ACOXL: variants seen among roughly 807,000 people sequenced by gnomAD.
The protein encoded by ACOXL is acyl-CoA oxidase like, also known as acyl-coenzyme A oxidase-like protein.
A neutral mutation model predicts 71.9 loss-of-function variants in ACOXL; 70 were observed. The ratio of observed to expected loss-of-function variants is 0.97; its 90% CI spans 0.80 to 1.19. ACOXL has a LOEUF of 1.19. ACOXL is among the 50% of genes most tolerant of loss of function. The probability of loss-of-function intolerance (pLI) is 0.00; values close to 1 mark genes in which losing one functional copy is unlikely to be tolerated. For synonymous variants in ACOXL, 253 were observed against 281.6 expected (o/e 0.90, Z 1.02); for missense variants, 703 against 736.3 (o/e 0.95, Z 0.52).
chr2:110,750,282 T>G (rs1678754416), intron 1 of ACOXL, among the ~76,000 whole-genome samples: 1 of 152,222 alleles, frequency 6.6e-6, no homozygotes, highest in South Asian at 2.1e-4. Context: ...TATTAAATCA[T>G]TTACTTATAT....
intron 11 of ACOXL, among the ~76,000 whole-genome samples, chr2:110,913,074 C>G (rs2059704155): frequency 6.6e-6 from 1 of 152,124 alleles, no homozygotes; most frequent in Admixed American, 6.5e-5. Context: ...TTCACACCCA[C>G]TAGGATGGCT....
intron 16 of ACOXL, among the ~76,000 whole-genome samples, chr2:111,078,115 T>C (rs2067695281): frequency 6.6e-6 from 1 of 152,022 alleles, no homozygotes; most frequent in South Asian, 2.1e-4. Flanking sequence ...CTCTCTGTTG[T>C]TCAGATAGGA....
At chr2:110,935,057 G>T (rs1314435401) in intron 12 of ACOXL, among the ~76,000 whole-genome samples, 1 of 152,054 alleles carries the variant, frequency 6.6e-6, no homozygotes, top group East Asian at 1.9e-4. Context: ...GAGCAGCTGG[G>T]AACACAGCCC....
chr2:110,786,422 C>G (rs961237457), intron 3 of ACOXL, among the ~76,000 whole-genome samples: 1 of 152,244 alleles, frequency 6.6e-6, no homozygotes, highest in Non-Finnish European at 1.5e-5. Flanking sequence ...CAGGCACGAT[C>G]TCTTCCCTCT....
chr2:111,049,659 C>T (rs761172531), intron 16 of ACOXL, among the ~76,000 whole-genome samples: 3 of 152,188 alleles, frequency 2.0e-5, no homozygotes, highest in East Asian at 1.9e-4. Context: ...GGATTCCATA[C>T]GTTCCCAGTC....
chr2:110,898,036 C>A (rs2059083915), intron 10 of ACOXL, among the ~76,000 whole-genome samples: 1 of 152,112 alleles, frequency 6.6e-6, no homozygotes, highest in South Asian at 2.1e-4. Context: ...AATATCACAA[C>A]TCCCCCAATG....
chr2:110,998,107 A>T (rs1300659429), intron 14 of ACOXL, among the ~76,000 whole-genome samples: 2 of 152,278 alleles, frequency 1.3e-5, no homozygotes, highest in African/African-American at 2.4e-5. Context: ...ATGATTTTTT[A>T]AAAAACTTGA....
chr2:110,770,774 T>A (rs924703165), intron 2 of ACOXL, among the ~76,000 whole-genome samples: 5 of 152,238 alleles, frequency 3.3e-5, no homozygotes, highest in African/African-American at 9.6e-5. Context: ...AGGTGAAATC[T>A]TGGCCTGTGG....
At position 110,886,234 on chromosome 2, in the gene ACOXL, AC is replaced by A. The variant is rs1697269008; in HGVS notation, c.789-22553del. Among the ~76,000 whole-genome samples the A allele has an allele frequency of 2.0e-5, 3 of 152,240 alleles. No homozygotes were observed. The South Asian group carries it at 6.2e-4, about 32-fold the overall frequency. Reference sequence around the variant, plus strand: ...CTCTTCTTTTCATGTCAATTTTTAAACCATACACATATATTATTTTAATGTT... The same window carrying A: ...CTCTTCTTTTCATGTCAATTTTTAAACATACACATATATTATTTTAATGTT... On this transcript the variant is annotated intron_variant, in intron 10 of 17. Transcript: ENST00000439055.
chr2:110,948,011 T>C lies in ACOXL; in HGVS notation c.1059+14369T>C, dbSNP rs146683926. On this transcript the variant is annotated intron_variant, in intron 12 of 17. Transcript: ENST00000439055. ...AGGGCCAGTCTCCACAGCAGGACTT[T>C]GTCTTCCCACATCAGTGGAGACCCT... Among the ~76,000 whole-genome samples, 1,425 of 152,354 alleles carry C rather than the reference T, an allele frequency of 9.4e-3. 12 individuals are homozygous for C. The highest frequency in any genetic ancestry group is 0.041 in the Middle Eastern group (12 of 294).
At chr2:110,793,547 G>C in intron 3 of ACOXL, 103 bp from the exon 4 acceptor site, 1 of 1,061,788 alleles carries the variant, frequency 9.4e-7, no homozygotes, top group South Asian at 1.3e-5. Context: ...GTCAAGCACA[G>C]GGGGCTGAAT....
chr2:110,798,507 C>T (rs560050108), intron 5 of ACOXL, 103 bp from the exon 6 acceptor site: 19 of 866,660 alleles, frequency 2.2e-5, no homozygotes, highest in Admixed American at 9.1e-5. Context: ...CCACCCACCT[C>T]GGCCCCCCAA....
chr2:110,937,389 C>G (rs911227175), intron 12 of ACOXL, among the ~76,000 whole-genome samples: 2 of 152,170 alleles, frequency 1.3e-5, no homozygotes, highest in Non-Finnish European at 1.5e-5. Flanking sequence ...ACCTATCACT[C>G]AGGAAATAAA....
intron 14 of ACOXL, among the ~76,000 whole-genome samples, chr2:110,996,281 T>A (rs1378569398): frequency 6.6e-6 from 1 of 152,170 alleles, no homozygotes; most frequent in Non-Finnish European, 1.5e-5. Flanking sequence ...TTTTCAGCCC[T>A]TATCAAAGTT....
At chr2:110,989,041 ATCTTT>A (rs1384080266) in intron 13 of ACOXL, among the ~76,000 whole-genome samples, 5 of 152,236 alleles carry the variant, frequency 3.3e-5, no homozygotes, top group African/African-American at 4.8e-5. Flanking sequence ...GAACTTATCA[ATCTTT>A]TCTTTTATAT....
intron 16 of ACOXL, among the ~76,000 whole-genome samples, chr2:111,081,180 G>T (rs1006602263): frequency 6.6e-6 from 1 of 152,160 alleles, no homozygotes; most frequent in Non-Finnish European, 1.5e-5. Context: ...GGGCAATCAG[G>T]CAAGAGAAAG....
intron 1 of ACOXL, among the ~76,000 whole-genome samples, chr2:110,753,277 A>G (rs1679242649): frequency 6.6e-6 from 1 of 152,200 alleles, no homozygotes; most frequent in Admixed American, 6.5e-5. Flanking sequence ...TGCTGATGCC[A>G]TGCTTGTACA....
chr2:110,758,195 T>C (rs1679944258), intron 1 of ACOXL, among the ~76,000 whole-genome samples: 1 of 152,226 alleles, frequency 6.6e-6, no homozygotes, highest in South Asian at 2.1e-4. Context: ...AAAGATTAGA[T>C]GCTTGTAGGT....
intron 17 of ACOXL, among the ~76,000 whole-genome samples, chr2:111,104,037 A>C (rs1050830356): frequency 6.6e-6 from 1 of 152,176 alleles, no homozygotes; most frequent in African/African-American, 2.4e-5. Flanking sequence ...CCATGTTTAT[A>C]ATTTTGTCAT....
Sources: gnomAD v4.1 joint callset for allele counts (sites outside exome capture counted in the v4.1 genomes callset) on GRCh38, gnomAD v4.1.1 for gene constraint, MANE v1.5 for transcripts, NCBI Gene and HGNC (gene_info 2026-07-23, HGNC 2026-07-21) for gene names.